The following SLC5A12 variants were observed in gnomAD, a reference collection of about 807,000 sequenced individuals.
The protein encoded by SLC5A12 is solute carrier family 5 member 12, also known as sodium-coupled monocarboxylate transporter 2.
In SLC5A12, 46 loss-of-function variants were observed where a neutral mutation model predicts 72.7. That is an observed-to-expected ratio of 0.63 (90% CI 0.50 to 0.81). SLC5A12 has a LOEUF of 0.81. Among genes scored for constraint, SLC5A12 ranks in the 30% least tolerant of loss-of-function variants. The probability of loss-of-function intolerance (pLI) is 0.00; values close to 1 mark genes in which losing one functional copy is unlikely to be tolerated. For synonymous variants in SLC5A12, 275 were observed against 264.4 expected, an observed-to-expected ratio of 1.04 and a Z score of -0.39; for missense variants, 683 against 740.7, an observed-to-expected ratio of 0.92 and a Z score of 0.90.
At position 26,721,543 on chromosome 11, in the gene SLC5A12, T is replaced by A; in HGVS notation, c.172A>T (p.Thr58Ser). 1 of 1,614,118 alleles carries A rather than the reference T, an allele frequency of 6.2e-7. No homozygotes were observed. Among genetic ancestry groups the A allele is most frequent in the Non-Finnish European group, 8.5e-7 (1 of 1,180,016 alleles). ...MSFGPVGLSL[T>S]ASFMSAVTVL... ...GTGACAGCTGACATGAAGCTGGCTG[T>A]CAGAGACAAGCCGACAGGGCCAAAG... Residue 58 changes from threonine to serine, a missense_variant, in exon 1 of 15, where the codon ACA (threonine) becomes TCA (serine). Coordinates refer to ENST00000396005, the MANE Select transcript of SLC5A12 (RefSeq NM_178498.4).
In SLC5A12 at chr11:26,668,806, A is replaced by G. The variant is rs1319630761; in HGVS notation, c.*2296T>C. 6.6e-6 allele frequency: 1 copy of G among 152,036 alleles called. No homozygotes were observed. 9.4% of individuals were successfully genotyped at this position (152,036 alleles called of 1,614,324 possible). ...AAGAGAAGGCAGAGATATTTTTATA[A>G]TAATAATTGCATTTTCCAGTTGTAT... On this transcript the variant is annotated 3_prime_UTR_variant, in exon 15 of 15. Coordinates refer to ENST00000396005, the MANE Select transcript of SLC5A12 (RefSeq NM_178498.4).
chr11:26,703,337 T>G (rs1855003966), intron 6 of SLC5A12, among the ~76,000 whole-genome samples, 194 bp downstream of exon 6: 1 of 151,874 alleles, frequency 6.6e-6, no homozygotes, highest in African/African-American at 2.4e-5. Flanking sequence ...CTCTGCCACT[T>G]CCTGCTGAGA....
chr11:26,713,260 C>T (rs1855274500), intron 1 of SLC5A12, among the ~76,000 whole-genome samples: 1 of 152,088 alleles, frequency 6.6e-6, no homozygotes, highest in Admixed American at 6.6e-5. Context: ...TATTCCAAAC[C>T]TTCCATTGTC....
chr11:26,682,948 A>G (rs1454851995), intron 11 of SLC5A12, among the ~76,000 whole-genome samples: 6 of 152,164 alleles, frequency 3.9e-5, no homozygotes, highest in Non-Finnish European at 7.3e-5. Flanking sequence ...AGAAAGGTCA[A>G]TAAGGGTCAG....
upstream of SLC5A12, among the ~76,000 whole-genome samples, chr11:26,723,082 T>C (rs552494555): frequency 5.3e-5 from 8 of 151,856 alleles, no homozygotes; most frequent in East Asian, 1.5e-3. Flanking sequence ...ATATACCCAA[T>C]ACATTATAGC....
chr11:26,701,523 GA>G (rs1220796867), intron 6 of SLC5A12, among the ~76,000 whole-genome samples: 10 of 152,094 alleles, frequency 6.6e-5, no homozygotes, highest in Non-Finnish European at 8.8e-5. Flanking sequence ...GCAACTATAG[GA>G]ATGGGATTGT....
At position 26,670,185 on chromosome 11, in the gene SLC5A12, T is replaced by C. The variant is rs979108519; in HGVS notation, c.*917A>G. 5.9e-5 allele frequency: 9 copies of C among 152,160 alleles called. No homozygotes were observed. The highest frequency in any genetic ancestry group is 1.9e-4 in the African/African-American group (8 of 41,454). The allele number at this position is 152,160 out of a possible 1,614,324, so 9.4% of individuals were successfully genotyped here. A position where few individuals can be genotyped will look rare whatever the true frequency, so the allele number is the denominator to read the frequency against. On this transcript the variant is annotated 3_prime_UTR_variant, in exon 15 of 15. Coordinates refer to ENST00000396005, the MANE Select transcript of SLC5A12 (RefSeq NM_178498.4). Reference sequence around the variant, plus strand: ...CAGAGTACAAGTCTTATGGACAATGTATTTTCTCCAAAGAAGAATCCTATT... The same window carrying C: ...CAGAGTACAAGTCTTATGGACAATGCATTTTCTCCAAAGAAGAATCCTATT...
At chr11:26,689,613 G>A (rs917603726) in intron 9 of SLC5A12, among the ~76,000 whole-genome samples, 3 of 152,138 alleles carry the variant, frequency 2.0e-5, no homozygotes, top group South Asian at 2.1e-4. Flanking sequence ...GTATGCATTC[G>A]TCAATACTCA....
chr11:26,704,065 A>G, intron 4 of SLC5A12, 118 bp from the exon 5 acceptor site: 1 of 1,086,432 alleles, frequency 9.2e-7, no homozygotes, highest in South Asian at 1.5e-5. Context: ...TCAGCCACTG[A>G]GGATCTTTTA....
intron 9 of SLC5A12, among the ~76,000 whole-genome samples, chr11:26,691,461 A>T (rs1171245942): frequency 2.8e-5 from 4 of 142,306 alleles, no homozygotes; most frequent in African/African-American, 1.1e-4. Context: ...GTTTATGTAC[A>T]TGTTTTTTTT....
At chr11:26,674,514 C>T (rs530482645) in intron 13 of SLC5A12, among the ~76,000 whole-genome samples, 4 of 152,240 alleles carry the variant, frequency 2.6e-5, no homozygotes, top group Non-Finnish European at 2.9e-5. Flanking sequence ...ATTCTCCTGC[C>T]TCAGCCTCTG....
Position 26,669,189 on chromosome 11 carries a change from TTC to T in SLC5A12, c.*1911_*1912del, listed in dbSNP as rs1416729636. On this transcript the variant is annotated 3_prime_UTR_variant, in exon 15 of 15. Transcript: ENST00000396005. The stretch of plus-strand genomic sequence containing the variant: ...TCTTTTTCTTTCTTTCTTTCTTCTT[TTC>T]TTTCTTTCTTTCTTTCTTTCTTTCT... The T allele has an allele frequency of 7.6e-6, 1 of 131,692 alleles. No homozygotes were observed. The highest frequency in any genetic ancestry group is 3.0e-5 in the African/African-American group (1 of 33,240). 8.2% of individuals were successfully genotyped at this position (131,692 alleles called of 1,614,324 possible).
intron 4 of SLC5A12, among the ~76,000 whole-genome samples, chr11:26,707,043 G>A (rs1057302238): frequency 6.6e-6 from 1 of 151,672 alleles, no homozygotes; most frequent in Non-Finnish European, 1.5e-5. Context: ...GGGAAGATCT[G>A]TAAGTGCTAA....
In SLC5A12 at chr11:26,705,925, TACACACACACACACACAC is replaced by T. The variant is rs71047876; in HGVS notation, c.526-1996_526-1979del. Among the ~76,000 whole-genome samples the T allele has an allele frequency of 7.3e-3, 944 of 129,686 alleles. 14 individuals carry two copies. Among genetic ancestry groups the T allele is most frequent in the African/African-American group, 0.021 (753 of 35,884 alleles). The allele number at this position is 129,686 out of a possible 152,430, so 85.1% of individuals were successfully genotyped here. ...GAGTCCTCACCTCTTTTCTCTGTCA[TACACACACACACACACAC>T]ACACACACACACACACACACACACA... is the stretch of plus-strand genomic sequence containing the variant. On this transcript the variant is annotated intron_variant, in intron 4 of 14. Transcript: ENST00000396005.
At chr11:26,711,653 T>A (rs1422208379) in intron 2 of SLC5A12, among the ~76,000 whole-genome samples, 1 of 152,120 alleles carries the variant, frequency 6.6e-6, no homozygotes, top group African/African-American at 2.4e-5. Context: ...AATTAAGTTT[T>A]GATTCATCTT....
chr11:26,671,177 G>C lies in SLC5A12; in HGVS notation c.1782C>G (p.Ser594Arg), dbSNP rs182665465. 1.2e-6 allele frequency: 2 copies of C among 1,612,552 alleles called. No homozygotes were observed. The highest frequency in any genetic ancestry group is 1.7e-4 in the Middle Eastern group (1 of 6,058). The change falls in exon 15 of 15, where the codon AGC (serine) becomes AGG (arginine). Residue 594 changes from serine to arginine, a missense_variant. By Grantham distance (110) the Ser-to-Arg change is moderately radical. Coordinates refer to ENST00000396005, the MANE Select transcript of SLC5A12 (RefSeq NM_178498.4). ...SVLQNGLRRE[S>R]LVHVPGYDPK... ...GATCATAGCCTGGAACATGTACCAGGCTTTCTCTTCTGAGTCCGTTCTGTA... is the reference window on the plus strand; with the variant it reads ...GATCATAGCCTGGAACATGTACCAGCCTTTCTCTTCTGAGTCCGTTCTGTA...
chr11:26,703,954 TAGAG>T lies in SLC5A12; in HGVS notation c.526-11_526-8del. 1 of 1,613,332 alleles carries T rather than the reference TAGAG, an allele frequency of 6.2e-7. No homozygotes were observed. The highest frequency in any genetic ancestry group is 8.5e-7 in the Non-Finnish European group (1 of 1,179,540). On this transcript the variant is annotated splice_polypyrimidine_tract_variant and splice_region_variant and intron_variant, in intron 4 of 14. Transcript: ENST00000396005. ...CCACTGCTTTTAATCCTCCCTGAAA[TAGAG>T]AGAATGTTTGAGTCCTTGAAAACAA...
At chr11:26,675,748 A>T (rs76263186) in intron 13 of SLC5A12, among the ~76,000 whole-genome samples, 1 of 152,136 alleles carries the variant, frequency 6.6e-6, no homozygotes, top group Non-Finnish European at 1.5e-5. Flanking sequence ...CCTAGAATCC[A>T]TTCCCCACAT....
chr11:26,677,115 G>A (rs1854284709), intron 13 of SLC5A12, among the ~76,000 whole-genome samples: 1 of 151,952 alleles, frequency 6.6e-6, no homozygotes, highest in African/African-American at 2.4e-5. Flanking sequence ...GCCTCATTTG[G>A]AAGACAGGGA....
Sources: allele counts gnomAD v4.1 joint callset (sites outside exome capture counted in the v4.1 genomes callset), GRCh38; gene constraint gnomAD v4.1.1; transcripts MANE v1.5; gene names NCBI Gene and HGNC (gene_info 2026-07-23, HGNC 2026-07-21).